Variants in FANCC observed in about 807,000 individuals in gnomAD.
FANCC encodes the protein Fanconi anemia group C protein.
Under a neutral mutation model 71.3 loss-of-function variants are expected in FANCC, and 55 were observed. The ratio of observed to expected loss-of-function variants is 0.77; its 90% CI spans 0.62 to 0.97. FANCC has a LOEUF of 0.97. Among genes scored for constraint, FANCC ranks in the 50% least tolerant of loss-of-function variants. FANCC has a pLI of 0.00. For missense variants in FANCC, 678 were observed against 670.9 expected (o/e 1.01, Z -0.12); for synonymous variants, 275 against 244.9 (o/e 1.12, Z -1.15).
Position 95,117,334 on chromosome 9 carries a change from C to T in FANCC, c.1053G>A (p.Val351=), listed in dbSNP as rs1301137678. ...ACTCACCTTGAGGGTCTTGCAGCAG[C>T]ACCATGGCAAGAGATGGAGAAGTGT... is the stretch of plus-strand genomic sequence containing the variant. ...FPYTSPSLAM[V]LLQDPQDIPR... is the part of the protein sequence containing the mutation. Residue 351 remains valine, a synonymous_variant, in exon 11 of 15, where the codon GTG becomes GTA. Coordinates refer to ENST00000289081, the MANE Select transcript of FANCC (RefSeq NM_000136.3). 11 of 1,614,080 alleles carry T rather than the reference C, an allele frequency of 6.8e-6. 1 individual carries two copies. Among genetic ancestry groups the T allele is most frequent in the South Asian group, 5.5e-5 (5 of 91,036 alleles).
At chr9:95,252,732 G>A (rs1047445372) in intron 1 of FANCC, among the ~76,000 whole-genome samples, 5 of 136,516 alleles carry the variant, frequency 3.7e-5, no homozygotes, top group East Asian at 2.2e-4. Context: ...GCAACAGAGC[G>A]AGACTCTGTC....
chr9:95,174,123 T>C (rs1040204591), intron 4 of FANCC, among the ~76,000 whole-genome samples: 1 of 152,170 alleles, frequency 6.6e-6, no homozygotes, highest in Non-Finnish European at 1.5e-5. Flanking sequence ...CAAAACTTTA[T>C]GTCTCAGTTC....
In FANCC at chr9:95,199,240, C is replaced by T. The variant is rs375257011; in HGVS notation, c.346-27093G>A. Among the ~76,000 whole-genome samples the T allele has an allele frequency of 3.3e-5, 5 of 152,100 alleles. No homozygotes were observed. In the East Asian group the frequency reaches 9.7e-4, roughly 29 times the overall value. On this transcript the variant is annotated intron_variant, in intron 4 of 14. Transcript: ENST00000289081. The stretch of plus-strand genomic sequence containing the variant: ...CTGGCCAGTTTTCGAAGCCCCCCAC[C>T]TCACCCCTAGTACTTAAAATCCTTT...
chr9:95,122,059 C>T (rs529572965), intron 10 of FANCC, among the ~76,000 whole-genome samples: 2 of 151,930 alleles, frequency 1.3e-5, no homozygotes, highest in South Asian at 4.2e-4. Context: ...AGGGTTTCAC[C>T]GTGTTAGCCA....
At chr9:95,184,293 A>G (rs1416255753) in intron 4 of FANCC, among the ~76,000 whole-genome samples, 3 of 152,048 alleles carry the variant, frequency 2.0e-5, no homozygotes, top group Non-Finnish European at 2.9e-5. Flanking sequence ...AGTGACTTAT[A>G]TTTTTCTAAA....
chr9:95,127,270 A>G (rs1479963170), intron 8 of FANCC: 1 of 152,564 alleles, frequency 6.6e-6, no homozygotes, highest in Non-Finnish European at 1.5e-5. Context: ...CTGGTTCCCT[A>G]TCTTTTTGGC....
intron 4 of FANCC, among the ~76,000 whole-genome samples, chr9:95,201,764 GA>G (rs1308653625): frequency 1.3e-5 from 2 of 152,126 alleles, no homozygotes; most frequent in Non-Finnish European, 2.9e-5. Flanking sequence ...TTTTGCGTAA[GA>G]AACAAACACC....
intron 13 of FANCC, among the ~76,000 whole-genome samples, chr9:95,109,186 A>T (rs2071709871): frequency 6.6e-6 from 1 of 152,210 alleles, no homozygotes; most frequent in African/African-American, 2.4e-5. Context: ...TGCTGAGATT[A>T]CAGGCATGAA....
chr9:95,188,912 A>C (rs940472757), intron 4 of FANCC, among the ~76,000 whole-genome samples: 4 of 152,282 alleles, frequency 2.6e-5, no homozygotes, highest in East Asian at 1.9e-4. Context: ...TTTTTAATTA[A>C]AAAATTACAC....
At chr9:95,119,566 A>G (rs1022085706) in intron 10 of FANCC, among the ~76,000 whole-genome samples, 1 of 151,958 alleles carries the variant, frequency 6.6e-6, no homozygotes, top group Non-Finnish European at 1.5e-5. Context: ...GGGTTTCACT[A>G]TGTTGGCCAG....
intron 1 of FANCC, among the ~76,000 whole-genome samples, chr9:95,271,827 T>C (rs1403353321): frequency 6.6e-6 from 1 of 151,774 alleles, no homozygotes; most frequent in East Asian, 1.9e-4. Flanking sequence ...TTAAGCACTT[T>C]TGCTGCTGAA....
At chr9:95,128,659 G>T (rs1198828970) in intron 8 of FANCC, among the ~76,000 whole-genome samples, 1 of 152,168 alleles carries the variant, frequency 6.6e-6, no homozygotes, top group Non-Finnish European at 1.5e-5. Context: ...CCTCTTCTGT[G>T]CGCTGTTTTC....
At chr9:95,211,067 A>G (rs1391500220) in intron 4 of FANCC, among the ~76,000 whole-genome samples, 5 of 152,202 alleles carry the variant, frequency 3.3e-5, no homozygotes, top group African/African-American at 1.2e-4. Context: ...AAGCTATTAT[A>G]TGTATCCTCC....
intron 4 of FANCC, among the ~76,000 whole-genome samples, chr9:95,191,805 A>G (rs1827133838): frequency 6.6e-6 from 1 of 152,060 alleles, no homozygotes; most frequent in African/African-American, 2.4e-5. Context: ...AGTCCTGCCA[A>G]TTACAGCTCA....
intron 1 of FANCC, among the ~76,000 whole-genome samples, chr9:95,285,413 A>C (rs1205987492): frequency 6.6e-6 from 1 of 152,212 alleles, no homozygotes; most frequent in African/African-American, 2.4e-5. Context: ...AAGCAAAAAT[A>C]ATAATGCCAA....
intron 1 of FANCC, among the ~76,000 whole-genome samples, chr9:95,254,143 G>A (rs1472082009): frequency 6.6e-6 from 1 of 152,186 alleles, no homozygotes; most frequent in Non-Finnish European, 1.5e-5. Flanking sequence ...CAAGATGCTG[G>A]CAATATTCTA....
At chr9:95,174,485 C>A (rs1825889545) in intron 4 of FANCC, among the ~76,000 whole-genome samples, 1 of 151,646 alleles carries the variant, frequency 6.6e-6, no homozygotes, top group Non-Finnish European at 1.5e-5. Flanking sequence ...TGCTAGAGAC[C>A]CATAATAGTA....
chr9:95,147,855 T>TA (rs1162931280), intron 7 of FANCC, among the ~76,000 whole-genome samples: 1 of 152,222 alleles, frequency 6.6e-6, no homozygotes. Context: ...TCTCTGGACT[T>TA]ACTGTATTGC....
intron 4 of FANCC, among the ~76,000 whole-genome samples, chr9:95,184,633 G>T (rs974374925): frequency 2.0e-5 from 3 of 152,186 alleles, no homozygotes; most frequent in Non-Finnish European, 2.9e-5. Context: ...GAAACTCAAT[G>T]CAGTACCAGT....
Sources: gnomAD v4.1 joint callset for allele counts (sites outside exome capture counted in the v4.1 genomes callset) on GRCh38, gnomAD v4.1.1 for gene constraint, MANE v1.5 for transcripts, NCBI Gene and HGNC (gene_info 2026-07-23, HGNC 2026-07-21) for gene names.